Variants in GPC5 observed in about 807,000 individuals in gnomAD.
GPC5 encodes the protein glypican-5.
Under a neutral mutation model 53.9 loss-of-function variants are expected in GPC5, and 47 were observed. That is an observed-to-expected ratio of 0.87 (90% CI 0.69 to 1.11). The LOEUF (loss-of-function observed/expected upper bound fraction) is 1.11. Ranked by LOEUF, GPC5 falls within the 50% of genes most tolerant of loss-of-function variation. The pLI is 0.00. For missense variants in GPC5, 748 were observed against 713.1 expected, an observed-to-expected ratio of 1.05 and a Z score of -0.56; for synonymous variants, 286 against 263.3, an observed-to-expected ratio of 1.09 and a Z score of -0.84.
At chr13:92,486,860 G>GT (rs2139440457) in intron 7 of GPC5, among the ~76,000 whole-genome samples, 1 of 96,838 alleles carries the variant, frequency 1.0e-5, no homozygotes, top group African/African-American at 3.8e-5. Context: ...AGGGGACAGG[G>GT]ATTTTTTTTT....
intron 7 of GPC5, among the ~76,000 whole-genome samples, chr13:92,459,651 A>C (rs1878404750): frequency 6.6e-6 from 1 of 152,184 alleles, no homozygotes; most frequent in African/African-American, 2.4e-5. Flanking sequence ...TTTTGAATGC[A>C]CATATTAGTT....
Position 92,577,418 on chromosome 13 carries a change from ATGTG to A in GPC5, c.1562-288834_1562-288831del, listed in dbSNP as rs56162097. 2.2e-3 allele frequency among the ~76,000 whole-genome samples: 319 copies of A among 145,416 alleles called. 5 individuals carry two copies. Among genetic ancestry groups the A allele is most frequent in the Admixed American group, 0.018 (266 of 14,476 alleles). On this transcript the variant is annotated intron_variant, in intron 7 of 7. Coordinates refer to ENST00000377067, the MANE Select transcript of GPC5 (RefSeq NM_004466.6). Reference sequence around the variant, plus strand: ...TGAATGAATGTAAGTATGTATGTATATGTGTGTGTGTGTGTGTGTGTGTGTGTGT... The same window carrying A: ...TGAATGAATGTAAGTATGTATGTATATGTGTGTGTGTGTGTGTGTGTGTGT...
intron 3 of GPC5, among the ~76,000 whole-genome samples, chr13:91,706,601 C>A (rs1016210794): frequency 6.6e-6 from 1 of 151,814 alleles, no homozygotes; most frequent in South Asian, 2.1e-4. Context: ...AATAAAAGGT[C>A]TCAAGAAAAT....
At chr13:92,742,267 G>T (rs963048849) in intron 7 of GPC5, among the ~76,000 whole-genome samples, 10 of 151,344 alleles carry the variant, frequency 6.6e-5, no homozygotes, top group African/African-American at 2.4e-4. Context: ...ACTTTTTAAT[G>T]ATTGCCATTC....
chr13:92,102,883 G>A (rs2041478401), intron 6 of GPC5, among the ~76,000 whole-genome samples: 1 of 152,108 alleles, frequency 6.6e-6, no homozygotes, highest in Non-Finnish European at 1.5e-5. Context: ...TGTTTTAGGG[G>A]AGAAGCAGGA....
intron 7 of GPC5, among the ~76,000 whole-genome samples, chr13:92,203,804 A>G (rs1193140690): frequency 6.6e-6 from 1 of 151,130 alleles, no homozygotes; most frequent in Non-Finnish European, 1.5e-5. Context: ...ACTCGCAGGC[A>G]GAATAAATAA....
At chr13:91,412,000 T>C (rs1166060198) in intron 1 of GPC5, among the ~76,000 whole-genome samples, 4 of 152,218 alleles carry the variant, frequency 2.6e-5, no homozygotes, top group Non-Finnish European at 5.9e-5. Context: ...TGTTAAATGT[T>C]CCTTTCCCTC....
chr13:92,415,998 A>G (rs1876274230), intron 7 of GPC5, among the ~76,000 whole-genome samples: 1 of 152,230 alleles, frequency 6.6e-6, no homozygotes. Flanking sequence ...ACAGCTTTTT[A>G]AAGAAATGTA....
chr13:91,507,273 G>T (rs554650216), intron 2 of GPC5, among the ~76,000 whole-genome samples: 4 of 152,080 alleles, frequency 2.6e-5, no homozygotes, highest in Admixed American at 2.6e-4. Flanking sequence ...AGCTCTCTGG[G>T]GTCTCTTTTA....
At chr13:92,010,485 G>A (rs185645431) in intron 6 of GPC5, among the ~76,000 whole-genome samples, 283 of 152,322 alleles carry the variant, frequency 1.9e-3, no homozygotes, top group African/African-American at 6.5e-3. Flanking sequence ...CTGCACACAT[G>A]TTATGGACTG....
At chr13:91,997,056 A>T (rs2040510163) in intron 6 of GPC5, among the ~76,000 whole-genome samples, 1 of 151,966 alleles carries the variant, frequency 6.6e-6, no homozygotes, top group Non-Finnish European at 1.5e-5. Flanking sequence ...TGATACACAC[A>T]TTTTTTTATT....
intron 6 of GPC5, among the ~76,000 whole-genome samples, chr13:92,138,479 C>T (rs1015835407): frequency 7.9e-5 from 12 of 151,458 alleles, no homozygotes; most frequent in Non-Finnish European, 1.2e-4. Flanking sequence ...GAGATCACAC[C>T]GCTGCGCTCC....
At chr13:91,494,071 T>C (rs1291799066) in intron 2 of GPC5, among the ~76,000 whole-genome samples, 9 of 151,732 alleles carry the variant, frequency 5.9e-5, no homozygotes, top group Non-Finnish European at 2.9e-5. Flanking sequence ...TTTGTATTTT[T>C]AGTAGAGATG....
At chr13:91,711,806 G>A (rs749212033) in intron 3 of GPC5, among the ~76,000 whole-genome samples, 45 of 151,976 alleles carry the variant, frequency 3.0e-4, no homozygotes, top group Non-Finnish European at 6.6e-4. Flanking sequence ...GCATTATTTC[G>A]GGTTTGGGTC....
chr13:92,255,324 C>G (rs1393547572), intron 7 of GPC5, among the ~76,000 whole-genome samples: 1 of 152,114 alleles, frequency 6.6e-6, no homozygotes, highest in Non-Finnish European at 1.5e-5. Context: ...GCTAAACATG[C>G]TTTCTGTCTC....
chr13:91,750,627 C>A (rs579940), intron 4 of GPC5, among the ~76,000 whole-genome samples: 1 of 147,082 alleles, frequency 6.8e-6, no homozygotes, highest in Non-Finnish European at 1.5e-5. Context: ...GATTTGAATT[C>A]TGATAATAGG....
intron 6 of GPC5, among the ~76,000 whole-genome samples, chr13:91,935,894 A>T (rs2039866134): frequency 1.3e-5 from 2 of 151,972 alleles, no homozygotes; most frequent in African/African-American, 4.8e-5. Flanking sequence ...TGCCTAGGGA[A>T]ATACTATAAA....
chr13:91,857,930 G>T (rs943167319), intron 5 of GPC5, among the ~76,000 whole-genome samples: 2 of 150,990 alleles, frequency 1.3e-5, no homozygotes, highest in African/African-American at 4.9e-5. Flanking sequence ...GGTTAATTTG[G>T]GGATGTTAAA....
chr13:92,191,361 A>G (rs1176024152), intron 7 of GPC5, among the ~76,000 whole-genome samples: 2 of 152,174 alleles, frequency 1.3e-5, no homozygotes, highest in Non-Finnish European at 2.9e-5. Context: ...GCCAAAATTC[A>G]CAACACTGAC....
Sources: allele counts gnomAD v4.1 joint callset (sites outside exome capture counted in the v4.1 genomes callset), GRCh38; gene constraint gnomAD v4.1.1; transcripts MANE v1.5; gene names NCBI Gene and HGNC (gene_info 2026-07-23, HGNC 2026-07-21).